ASPH: variants seen among roughly 807,000 people sequenced by gnomAD.
ASPH encodes the protein aspartate beta-hydroxylase.
ASPH carries 100 observed loss-of-function variants against 118.4 expected under a neutral mutation model. The ratio of observed to expected loss-of-function variants is 0.84; its 90% confidence interval spans 0.72 to 1.00. The LOEUF is 1.00. ASPH is among the 50% of genes least tolerant of loss of function. ASPH has a pLI of 0.00. For missense variants in ASPH, 920 were observed against 919.5 expected, an observed-to-expected ratio of 1.00 and a Z score of -0.01; for synonymous variants, 315 against 325.6, an observed-to-expected ratio of 0.97 and a Z score of 0.35.
At chr8:61,689,732 AAAAC>A in intron 1 of ASPH, 1 of 1,551,512 alleles carries the variant, frequency 6.4e-7, no homozygotes, top group Non-Finnish European at 8.7e-7. Flanking sequence ...AAAGTAAAAC[AAAAC>A]AAAAAAAAAA....
chr8:61,616,194 G>C (rs868190568), intron 14 of ASPH, among the ~76,000 whole-genome samples: 1 of 152,138 alleles, frequency 6.6e-6, no homozygotes, highest in Admixed American at 6.5e-5. Flanking sequence ...AGGTTCCAGA[G>C]GTTCCAGCCT....
intron 21 of ASPH, among the ~76,000 whole-genome samples, chr8:61,540,132 T>A (rs1404175669): frequency 6.6e-6 from 1 of 152,140 alleles, no homozygotes; most frequent in Non-Finnish European, 1.5e-5. Flanking sequence ...TTTCCTTGAG[T>A]TGAATAGCCT....
rs186108573 is a variant in ASPH at position 61,541,743 on chromosome 8, G to C, written c.1764+6328C>G. On this transcript the variant is annotated intron_variant, in intron 21 of 24. Transcript: ENST00000379454. ...TCTCAAAGTACAATCACACAGCATG[G>C]AGTTGTAACCATGAGATGCCACACA... 1.3e-3 allele frequency among the ~76,000 whole-genome samples: 193 copies of C among 152,148 alleles called. 1 individual carries two copies. Among genetic ancestry groups the C allele is most frequent in the Non-Finnish European group, 2.1e-4 (14 of 68,018 alleles).
At chr8:61,702,324 G>T (rs1216151785) in intron 1 of ASPH, among the ~76,000 whole-genome samples, 2 of 132,404 alleles carry the variant, frequency 1.5e-5, no homozygotes, top group African/African-American at 2.9e-5. Context: ...TCGCTCTGTC[G>T]CCCAGCCTGG....
chr8:61,665,301 T>C lies in ASPH; in HGVS notation c.323-11641A>G, dbSNP rs149124334. ...CCCTTTGTTAAGTGTGCATATCTGG[T>C]AGAACTTCTACTTTCCTTTCTGTCA... On this transcript the variant is annotated intron_variant, in intron 3 of 24. Coordinates refer to ENST00000379454, the MANE Select transcript of ASPH (RefSeq NM_004318.4). 2.3e-5 allele frequency: 37 copies of C among 1,613,126 alleles called. No individual in the cohort carries two copies. The African/African-American group carries it at 4.9e-4, about 22-fold the overall frequency.
At chr8:61,506,877 A>C (rs1806790006) in intron 24 of ASPH, among the ~76,000 whole-genome samples, 1 of 152,306 alleles carries the variant, frequency 6.6e-6, no homozygotes, top group African/African-American at 2.4e-5. Context: ...AAAACTTCCA[A>C]GGGAGATGAG....
Position 61,595,749 on chromosome 8 carries a change from T to C in ASPH, c.977-11720A>G, listed in dbSNP as rs77800257. Among the ~76,000 whole-genome samples the C allele has an allele frequency of 9.0e-3, 1,369 of 152,238 alleles. 19 individuals carry two copies. The highest frequency in any genetic ancestry group is 0.028 in the African/African-American group (1,182 of 41,542). ...AAATAAGAATGGCCTGGATGCACCATCAGGAAGCCCAATAATAAGCCTGCC... is the reference window on the plus strand; with the variant it reads ...AAATAAGAATGGCCTGGATGCACCACCAGGAAGCCCAATAATAAGCCTGCC... On this transcript the variant is annotated intron_variant, in intron 14 of 24. Coordinates refer to ENST00000379454, the MANE Select transcript of ASPH (RefSeq NM_004318.4).
intron 13 of ASPH, chr8:61,624,370 A>G: frequency 1.0e-6 from 1 of 985,418 alleles, no homozygotes; most frequent in Non-Finnish European, 1.2e-6. Context: ...TAAATGCAAA[A>G]TAAGCATTAT....
chr8:61,643,573 C>G, intron 8 of ASPH, 140 bp from the exon 9 acceptor site: 1 of 839,662 alleles, frequency 1.2e-6, no homozygotes, highest in Non-Finnish European at 1.8e-6. Flanking sequence ...AAAATTTAAG[C>G]TGAATAACGT....
intron 22 of ASPH, among the ~76,000 whole-genome samples, chr8:61,520,349 T>C (rs1369868400): frequency 6.6e-6 from 1 of 152,166 alleles, no homozygotes; most frequent in Non-Finnish European, 1.5e-5. Context: ...TATTCAAGAT[T>C]CCTAAAAGAG....
Position 61,517,546 on chromosome 8 carries a change from C to T in ASPH, c.2108G>A (p.Arg703Gln), listed in dbSNP as rs770489156. The change falls in exon 24 of 25, where the codon CGA becomes CAA. Residue 703 changes from arginine (R) to glutamine (Q), a missense_variant. Arg to Gln is a conservative substitution (Grantham distance 43). Transcript: ENST00000379454. ...LVIPKEGCKIRCANETKTWEE... is the reference protein window; with the variant it reads ...LVIPKEGCKIQCANETKTWEE... ...CCCATACTTGGTCTCGTTGGCACAT[C>T]GAATCTTGCAGCCTTCCTTGGGAAT... 5.0e-6 allele frequency: 8 copies of T among 1,613,966 alleles called. No homozygotes were observed. Among genetic ancestry groups the T allele is most frequent in the African/African-American group, 4.0e-5 (3 of 74,922 alleles).
chr8:61,576,455 G>C (rs1010032851), intron 16 of ASPH: 8 of 220,728 alleles, frequency 3.6e-5, no homozygotes, highest in Non-Finnish European at 6.2e-5. Flanking sequence ...TGAAAGCTCT[G>C]AGGAGCCTCA....
rs971822372 is a variant in ASPH, at chr8:61,686,508, T to G, written c.104-2320A>C. Among the ~76,000 whole-genome samples, 11 of 152,198 alleles carry G rather than the reference T, an allele frequency of 7.2e-5. 1 individual carries two copies. Among genetic ancestry groups the G allele is most frequent in the Non-Finnish European group, 1.5e-4 (10 of 68,034 alleles). ...AAGCACCACAGATTCAGAAACAGTT[T>G]TGTATGTCTAATTCACTACATTTTT... On this transcript the variant is annotated intron_variant, in intron 1 of 24. Transcript: ENST00000379454.
rs1261990306 is a variant in ASPH at position 61,682,321 on chromosome 8, AT to A, written c.254-1286del. The A allele has an allele frequency of 6.7e-6, 7 of 1,050,624 alleles. No individual in the cohort carries two copies. In the East Asian group the frequency reaches 1.8e-4, roughly 26 times the overall value. 65.1% of individuals were successfully genotyped at this position (1,050,624 alleles called of 1,614,324 possible). On this transcript the variant is annotated intron_variant, in intron 2 of 24. Coordinates refer to ENST00000379454, the MANE Select transcript of ASPH (RefSeq NM_004318.4). ...TACTACCCTTTCTGACAAACCCATA[AT>A]GGGAAATTGGTCCTATCACTTATAT...
At chr8:61,682,594 A>C (rs1563571164) in intron 2 of ASPH, 1 of 1,048,674 alleles carries the variant, frequency 9.5e-7, no homozygotes, top group East Asian at 2.5e-5. Context: ...TAAGTCAGTC[A>C]AAGCATAGAT....
At chr8:61,638,268 A>C in intron 11 of ASPH, 54 bp downstream of exon 11, 1 of 1,577,300 alleles carries the variant, frequency 6.3e-7, no homozygotes, top group Non-Finnish European at 8.6e-7. Flanking sequence ...GAGTTTTAAC[A>C]AAATACAGGG....
chr8:61,608,804 C>A (rs1379575004), intron 14 of ASPH, among the ~76,000 whole-genome samples: 1 of 151,654 alleles, frequency 6.6e-6, no homozygotes, highest in Non-Finnish European at 1.5e-5. Flanking sequence ...ACTGTCTGAA[C>A]TCTCCCCCAT....
At chr8:61,651,446 G>A (rs140107204) in intron 4 of ASPH, 25 of 220,052 alleles carry the variant, frequency 1.1e-4, no homozygotes, top group South Asian at 8.5e-4. Context: ...AATAAAATTC[G>A]CAATAATGAT....
chr8:61,606,815 C>T (rs747234925), intron 14 of ASPH: 10 of 154,710 alleles, frequency 6.5e-5, no homozygotes, highest in Non-Finnish European at 1.4e-4. Context: ...GCCCATGACA[C>T]CCAAGTTAAG....
Sources: allele counts gnomAD v4.1 joint callset (sites outside exome capture counted in the v4.1 genomes callset), GRCh38; gene constraint gnomAD v4.1.1; transcripts MANE v1.5; gene names NCBI Gene and HGNC (gene_info 2026-07-23, HGNC 2026-07-21).